The following PTPRD variants were observed in gnomAD, a reference collection of about 807,000 sequenced individuals.
PTPRD encodes receptor-type tyrosine-protein phosphatase delta.
PTPRD carries 34 observed loss-of-function variants against 214.5 expected under a neutral mutation model. The observed-to-expected ratio is 0.16, with a 90% CI of 0.12 to 0.21. The LOEUF (loss-of-function observed/expected upper bound fraction) is 0.21. PTPRD is among the 10% of genes least tolerant of loss of function. The pLI is 1.00. For synonymous variants in PTPRD, 1,128 were observed against 845.7 expected, an observed-to-expected ratio of 1.33 and a Z score of -5.79; for missense variants, 2,545 against 2,398.7, an observed-to-expected ratio of 1.06 and a Z score of -1.27.
intron 12 of PTPRD, chr9:8,713,503 G>T: frequency 8.6e-7 from 1 of 1,156,592 alleles, no homozygotes; most frequent in Non-Finnish European, 1.3e-6. Flanking sequence ...TGTCTACTGT[G>T]GTCAGGTGTT....
intron 3 of PTPRD, among the ~76,000 whole-genome samples, chr9:10,259,310 C>T (rs2154374545): frequency 6.6e-6 from 1 of 152,302 alleles, no homozygotes; most frequent in South Asian, 2.1e-4. Context: ...AGGCGTGAGC[C>T]ACCGCGCCCG....
intron 12 of PTPRD, among the ~76,000 whole-genome samples, chr9:8,637,402 G>C (rs2096467439): frequency 6.6e-6 from 1 of 152,196 alleles, no homozygotes; most frequent in East Asian, 1.9e-4. Flanking sequence ...CCCAGATATT[G>C]TAAGCTGTCT....
intron 12 of PTPRD, among the ~76,000 whole-genome samples, chr9:8,651,947 A>G (rs1159554234): frequency 6.6e-6 from 1 of 152,208 alleles, no homozygotes; most frequent in Non-Finnish European, 1.5e-5. Flanking sequence ...TTGTATCCCC[A>G]GGCAGTGCAG....
In PTPRD at chr9:8,317,662, CTCT is replaced by C. The variant is rs1031817356; in HGVS notation, c.*209_*211del. 1.7e-5 allele frequency: 7 copies of C among 411,846 alleles called. No individual in the cohort carries two copies. The highest frequency in any genetic ancestry group is 1.4e-4 in the African/African-American group (7 of 50,712). The allele number at this position is 411,846 out of a possible 1,614,324, so 25.5% of individuals were successfully genotyped here. A position where few individuals can be genotyped will look rare whatever the true frequency, so the allele number is the denominator to read the frequency against. On this transcript the variant is annotated 3_prime_UTR_variant, in exon 46 of 46. Coordinates refer to ENST00000381196, the MANE Select transcript of PTPRD (RefSeq NM_002839.4). The stretch of plus-strand genomic sequence containing the variant: ...TTCAGATGCCTCATCAGTCAGGATT[CTCT>C]TCATTATTTTTCAGGTTAGATTATT...
chr9:8,799,929 G>C (rs540960240), intron 11 of PTPRD, among the ~76,000 whole-genome samples: 2 of 151,742 alleles, frequency 1.3e-5, no homozygotes, highest in East Asian at 3.9e-4. Context: ...AAAACTTTTT[G>C]TTTTCAGGCA....
intron 3 of PTPRD, among the ~76,000 whole-genome samples, chr9:10,075,075 T>G (rs149384291): frequency 9.9e-5 from 15 of 152,160 alleles, no homozygotes; most frequent in Non-Finnish European, 2.1e-4. Context: ...AATAAGTTAT[T>G]GATGCAAATA....
chr9:8,837,729 T>C (rs1267526833), intron 11 of PTPRD, among the ~76,000 whole-genome samples: 1 of 152,138 alleles, frequency 6.6e-6, no homozygotes, highest in African/African-American at 2.4e-5. Flanking sequence ...CTCAAACTTC[T>C]AGACTCAAGT....
intron 8 of PTPRD, among the ~76,000 whole-genome samples, chr9:9,405,957 T>TA (rs1008717496): frequency 4.9e-4 from 74 of 152,102 alleles, no homozygotes; most frequent in African/African-American, 1.4e-3. Flanking sequence ...CTGTTTGTGC[T>TA]AAAAAAATTG....
intron 11 of PTPRD, among the ~76,000 whole-genome samples, chr9:9,000,745 G>T (rs567167379): frequency 1.3e-5 from 2 of 151,920 alleles, no homozygotes; most frequent in South Asian, 4.2e-4. Flanking sequence ...ATTAAACCTC[G>T]CCAAGCAGAA....
At chr9:10,005,018 T>C (rs1209788709) in intron 4 of PTPRD, among the ~76,000 whole-genome samples, 1 of 152,122 alleles carries the variant, frequency 6.6e-6, no homozygotes, top group Non-Finnish European at 1.5e-5. Flanking sequence ...TGGAAAAACT[T>C]TACTTTTCTT....
chr9:9,751,703 C>T (rs542115824), intron 6 of PTPRD, among the ~76,000 whole-genome samples: 1 of 152,022 alleles, frequency 6.6e-6, no homozygotes, highest in Non-Finnish European at 1.5e-5. Flanking sequence ...GATATATCTA[C>T]TAGTCAAGGA....
chr9:9,147,356 T>C (rs1429373422), intron 10 of PTPRD, among the ~76,000 whole-genome samples: 1 of 151,992 alleles, frequency 6.6e-6, no homozygotes, highest in Non-Finnish European at 1.5e-5. Context: ...GTTATTCTTT[T>C]TTTAAAATTT....
intron 5 of PTPRD, among the ~76,000 whole-genome samples, chr9:9,925,658 A>G (rs912941989): frequency 7.9e-5 from 12 of 152,056 alleles, no homozygotes; most frequent in African/African-American, 2.9e-4. Context: ...ACCTACCTGC[A>G]TAACTAAACT....
At chr9:8,567,473 C>T (rs1411741399) in intron 14 of PTPRD, among the ~76,000 whole-genome samples, 1 of 152,216 alleles carries the variant, frequency 6.6e-6, no homozygotes, top group Non-Finnish European at 1.5e-5. Context: ...AAGGATACCA[C>T]ATTGCAGTGA....
At chr9:9,527,469 A>G (rs2074388049) in intron 8 of PTPRD, among the ~76,000 whole-genome samples, 1 of 152,206 alleles carries the variant, frequency 6.6e-6, no homozygotes, top group African/African-American at 2.4e-5. Context: ...TCAGAAAATA[A>G]TATATGTTTT....
At chr9:8,533,996 T>A (rs1469604243) in intron 14 of PTPRD, among the ~76,000 whole-genome samples, 2 of 152,048 alleles carry the variant, frequency 1.3e-5, no homozygotes, top group Admixed American at 6.6e-5. Flanking sequence ...CATAGTCTCA[T>A]TATTTTAGTG....
chr9:8,577,400 C>T (rs1004555775), intron 14 of PTPRD, among the ~76,000 whole-genome samples: 1 of 152,100 alleles, frequency 6.6e-6, no homozygotes, highest in Non-Finnish European at 1.5e-5. Flanking sequence ...GGATTATAGG[C>T]ATGTGCCACC....
intron 31 of PTPRD, among the ~76,000 whole-genome samples, chr9:8,466,160 A>C (rs1163111534): frequency 6.6e-6 from 1 of 151,940 alleles, no homozygotes; most frequent in Non-Finnish European, 1.5e-5. Flanking sequence ...ATATGATACA[A>C]ATTCCCTCAA....
At chr9:9,027,933 A>C (rs1051407302) in intron 10 of PTPRD, among the ~76,000 whole-genome samples, 1 of 151,950 alleles carries the variant, frequency 6.6e-6, no homozygotes, top group Non-Finnish European at 1.5e-5. Context: ...GATGAAAAAC[A>C]TATTAGCCAC....
Sources: allele counts gnomAD v4.1 joint callset (sites outside exome capture counted in the v4.1 genomes callset), GRCh38; gene constraint gnomAD v4.1.1; transcripts MANE v1.5; gene names NCBI Gene and HGNC (gene_info 2026-07-23, HGNC 2026-07-21).